Variants in TOP2B observed in about 807,000 individuals in gnomAD.
TOP2B encodes the protein DNA topoisomerase II beta.
Under a neutral mutation model 193.5 loss-of-function variants are expected in TOP2B, and 51 were observed. The observed-to-expected ratio is 0.26, with a 90% CI of 0.21 to 0.33. TOP2B has a LOEUF of 0.33. Among genes scored for constraint, TOP2B ranks in the 10% least tolerant of loss-of-function variants. The pLI is 1.00. For synonymous variants in TOP2B, 634 were observed against 635.7 expected (o/e 1.00, Z 0.04); for missense variants, 1,378 against 1,909.3 (o/e 0.72, Z 5.19).
rs79733085 is a variant in TOP2B at position 25,621,143 on chromosome 3, C to G, written c.2728-327G>C. ...CCTTACATTGAAAGCATTTCATAGT[C>G]TGGACCCAATCTGGCTTTCAATTTT... is the stretch of plus-strand genomic sequence containing the variant. On this transcript the variant is annotated intron_variant, in intron 21 of 35. Coordinates refer to ENST00000264331, the MANE Select transcript of TOP2B (RefSeq NM_001330700.2). Among the ~76,000 whole-genome samples the G allele has an allele frequency of 2.4e-3, 368 of 152,322 alleles. 4 individuals carry two copies. Among genetic ancestry groups the G allele is most frequent in the African/African-American group, 8.5e-3 (352 of 41,564 alleles).
chr3:25,627,059 G>T, intron 16 of TOP2B, 128 bp downstream of exon 16: 1 of 745,314 alleles, frequency 1.3e-6, no homozygotes, highest in South Asian at 2.0e-5. Flanking sequence ...CATCATCTGG[G>T]GGAAAAATTA....
intron 31 of TOP2B, 128 bp downstream of exon 31, chr3:25,607,043 A>C: frequency 7.5e-7 from 1 of 1,338,006 alleles, no homozygotes; most frequent in Non-Finnish European, 1.0e-6. Context: ...AATATTAACA[A>C]GATTGATTCC....
chr3:25,645,296 T>G lies in TOP2B; in HGVS notation c.240+4A>C. 1 of 1,534,652 alleles carries G rather than the reference T, an allele frequency of 6.5e-7. No homozygotes were observed. On this transcript the variant is annotated splice_donor_region_variant and intron_variant, in intron 2 of 35. Coordinates refer to ENST00000264331, the MANE Select transcript of TOP2B (RefSeq NM_001330700.2). ...TAATTTCAATCAATTTTAGCAATAA[T>G]TACCTGCGTCAATGGCTCCACTGAC...
At chr3:25,641,077 T>C (rs543864956) in intron 4 of TOP2B, among the ~76,000 whole-genome samples, 1 of 152,256 alleles carries the variant, frequency 6.6e-6, no homozygotes, top group East Asian at 1.9e-4. Flanking sequence ...CTGCCGCACC[T>C]GGCTTAGCTC....
chr3:25,626,593 C>A lies in TOP2B; in HGVS notation c.2191G>T (p.Asp731Tyr). The A allele has an allele frequency of 6.5e-7, 1 of 1,530,946 alleles. No individual in the cohort carries two copies. The highest frequency in any genetic ancestry group is 1.3e-5 in the South Asian group (1 of 78,738). The allele number at this position is 1,530,946 out of a possible 1,614,324, so 94.8% of individuals were successfully genotyped here. The change falls in exon 18 of 36, where the codon GAC (aspartate) becomes TAC (tyrosine). Residue 731 changes from aspartate to tyrosine, a missense_variant. Physicochemically the swap from Asp to Tyr is radical, Grantham distance 160. This residue lies in a region of TOP2B where 379 missense variants were observed against 615.1 expected (regional missense o/e 0.62). Transcript: ENST00000264331. ...NKELILFSNS[D>Y]NERSIPSLVD... ...AGAGATGGTATAGATCTTTCATTGTCTGAGTTTGAGAAGAGAATCAATTCC... is the reference window on the plus strand; with the variant it reads ...AGAGATGGTATAGATCTTTCATTGTATGAGTTTGAGAAGAGAATCAATTCC...
In TOP2B at chr3:25,630,486, A is replaced by G; in HGVS notation, c.1406-17T>C. 4.6e-6 allele frequency: 7 copies of G among 1,507,748 alleles called. No homozygotes were observed. Among genetic ancestry groups the G allele is most frequent in the Non-Finnish European group, 6.2e-6 (7 of 1,127,960 alleles). The allele number at this position is 1,507,748 out of a possible 1,614,324, so 93.4% of individuals were successfully genotyped here. A position where few individuals can be genotyped will look rare whatever the true frequency, so the allele number is the denominator to read the frequency against. Reference sequence around the variant, plus strand: ...GTTTACCACCTGAGAGAAATTTAAAATTATACATAGTAAAAATTTCTCATA... The same window carrying G: ...GTTTACCACCTGAGAGAAATTTAAAGTTATACATAGTAAAAATTTCTCATA... On this transcript the variant is annotated splice_polypyrimidine_tract_variant and intron_variant, in intron 11 of 35. Coordinates refer to ENST00000264331, the MANE Select transcript of TOP2B (RefSeq NM_001330700.2).
intron 6 of TOP2B, 95 bp from the exon 7 acceptor site, chr3:25,636,243 A>G: frequency 3.8e-6 from 3 of 799,878 alleles, no homozygotes; most frequent in Admixed American, 3.1e-5. Flanking sequence ...TTATCAAACT[A>G]TATCAATTTT....
At chr3:25,644,905 C>G (rs1394085857) in intron 2 of TOP2B, among the ~76,000 whole-genome samples, 1 of 151,832 alleles carries the variant, frequency 6.6e-6, no homozygotes, top group Non-Finnish European at 1.5e-5. Flanking sequence ...CTGTCATTCT[C>G]CTGTCTCAGG....
intron 21 of TOP2B, 117 bp from the exon 22 acceptor site, chr3:25,620,933 C>T (rs1191471457): frequency 1.9e-6 from 2 of 1,058,138 alleles, no homozygotes; most frequent in African/African-American, 1.6e-5. Flanking sequence ...CCTCAATTGT[C>T]CCTTTCCAAC....
chr3:25,659,428 AGAAG>A (rs1703844722), intron 1 of TOP2B, among the ~76,000 whole-genome samples: 2 of 152,242 alleles, frequency 1.3e-5, no homozygotes, highest in African/African-American at 4.8e-5. Context: ...GGATTAAAAA[AGAAG>A]GGAGAATGTA....
intron 32 of TOP2B, among the ~76,000 whole-genome samples, chr3:25,605,476 C>G (rs750853191): frequency 1.3e-5 from 2 of 151,678 alleles, no homozygotes; most frequent in Non-Finnish European, 2.9e-5. Flanking sequence ...AAAATGAGTA[C>G]GTATACATAT....
Position 25,623,635 on chromosome 3 carries a change from A to C in TOP2B, c.2607T>G (p.Val869=). Residue 869 remains valine (V), a synonymous_variant, in exon 21 of 36, where the codon GTT becomes GTG. Coordinates refer to ENST00000264331, the MANE Select transcript of TOP2B (RefSeq NM_001330700.2). ...PEWYIPIIPM[V]LINGAEGIGT... ...CAATGCCCTCAGCACCATTTATTAA[A>C]ACCATGGGAATTATAGGAATATACC... is the stretch of plus-strand genomic sequence containing the variant. 1 of 1,613,912 alleles carries C rather than the reference A, an allele frequency of 6.2e-7. No homozygotes were observed. The highest frequency in any genetic ancestry group is 1.1e-5 in the South Asian group (1 of 91,090).
chr3:25,661,123 C>T lies in TOP2B; in HGVS notation c.69+3106G>A, dbSNP rs529915021. Among the ~76,000 whole-genome samples, 14 of 152,008 alleles carry T rather than the reference C, an allele frequency of 9.2e-5. No homozygotes were observed. The South Asian group carries it at 2.7e-3, about 29-fold the overall frequency. On this transcript the variant is annotated intron_variant, in intron 1 of 35. Transcript: ENST00000264331. ...TCAAGCGATTCTCCTGCCTCAGCCT[C>T]CCGAGTAGCTGGGATTACAAGCATG...
chr3:25,600,039 G>C (rs1040265643), intron 34 of TOP2B, among the ~76,000 whole-genome samples: 1 of 152,122 alleles, frequency 6.6e-6, no homozygotes, highest in African/African-American at 2.4e-5. Context: ...ACAACCAATT[G>C]CATATCCCAC....
intron 1 of TOP2B, among the ~76,000 whole-genome samples, chr3:25,657,897 T>TA (rs202175785): frequency 0.15 from 21,180 of 141,962 alleles, 2,279 homozygotes; most frequent in African/African-American, 0.33. Flanking sequence ...CCGTCTCTAC[T>TA]AAAAATACAA....
At chr3:25,617,474 T>C (rs567422043) in intron 25 of TOP2B, among the ~76,000 whole-genome samples, 1 of 152,312 alleles carries the variant, frequency 6.6e-6, no homozygotes, top group South Asian at 2.1e-4. Flanking sequence ...ATATGACTTT[T>C]ATTGACTTCA....
rs372962158 is a variant in TOP2B, at chr3:25,615,321, T to C, written c.3508-33A>G. The C allele has an allele frequency of 4.4e-4, 700 of 1,583,616 alleles. 9 individuals carry two copies. The highest frequency in any genetic ancestry group is 1.7e-4 in the Middle Eastern group (1 of 5,888). On this transcript the variant is annotated intron_variant, in intron 26 of 35. Transcript: ENST00000264331. ...AAAAAAGTACAGTTTAAACATTCAA[T>C]AGTTTTAAAACATATGAAGGATAAA...
At chr3:25,631,674 A>G (rs1361650022) in intron 10 of TOP2B, among the ~76,000 whole-genome samples, 1 of 152,092 alleles carries the variant, frequency 6.6e-6, no homozygotes, top group Non-Finnish European at 1.5e-5. Context: ...ATGAAAAAGT[A>G]TAAAATTTAA....
intron 23 of TOP2B, among the ~76,000 whole-genome samples, chr3:25,619,507 C>A (rs1702601206): frequency 6.6e-6 from 1 of 152,066 alleles, no homozygotes; most frequent in African/African-American, 2.4e-5. Context: ...TTTAATAAAG[C>A]AGATTAGAGT....
Sources: gnomAD v4.1 joint callset for allele counts (sites outside exome capture counted in the v4.1 genomes callset) on GRCh38, gnomAD v4.1.1 for gene constraint, gnomAD v4.1.1 regional missense constraint, MANE v1.5 for transcripts, NCBI Gene and HGNC (gene_info 2026-07-23, HGNC 2026-07-21) for gene names.